The following DCC variants were observed in gnomAD, a reference collection of about 807,000 sequenced individuals.
DCC encodes the protein DCC netrin 1 receptor.
A neutral mutation model predicts 172.5 loss-of-function variants in DCC; 58 were observed. That is an observed-to-expected ratio of 0.34 (90% CI 0.27 to 0.42). The LOEUF is 0.42. Ranked by LOEUF, DCC falls within the 10% of genes least tolerant of loss-of-function variation. The pLI is 1.00. For missense variants in DCC, 1,740 were observed against 1,791.0 expected, an observed-to-expected ratio of 0.97 and a Z score of 0.51; for synonymous variants, 709 against 644.5, an observed-to-expected ratio of 1.10 and a Z score of -1.52.
intron 5 of DCC, among the ~76,000 whole-genome samples, chr18:52,946,060 C>T (rs1182688272): frequency 6.6e-6 from 1 of 152,128 alleles, no homozygotes. Context: ...CCTCTGTGAA[C>T]ATCTAGGTTT....
chr18:53,252,082 A>G (rs2056442730), intron 12 of DCC, among the ~76,000 whole-genome samples: 1 of 151,964 alleles, frequency 6.6e-6, no homozygotes, highest in Non-Finnish European at 1.5e-5. Flanking sequence ...ATCAATCAAG[A>G]TAGGATCTAA....
At chr18:52,372,370 A>C (rs1345860790) in intron 1 of DCC, among the ~76,000 whole-genome samples, 1 of 152,194 alleles carries the variant, frequency 6.6e-6, no homozygotes, top group African/African-American at 2.4e-5. Flanking sequence ...TTGAGAGTCC[A>C]TGCATTGGCT....
intron 5 of DCC, among the ~76,000 whole-genome samples, chr18:53,001,373 G>A (rs114525941): frequency 0.014 from 2,183 of 152,074 alleles, 41 homozygotes; most frequent in African/African-American, 0.05. Flanking sequence ...CAGGGAATAA[G>A]GTGCCATCAC....
intron 15 of DCC, among the ~76,000 whole-genome samples, chr18:53,357,917 T>C (rs2057895570): frequency 6.6e-6 from 1 of 152,186 alleles, no homozygotes; most frequent in Non-Finnish European, 1.5e-5. Flanking sequence ...TATTTTATAA[T>C]TTCACGATTC....
chr18:52,723,857 G>A (rs552033970), intron 1 of DCC, among the ~76,000 whole-genome samples: 2 of 152,262 alleles, frequency 1.3e-5, no homozygotes, highest in East Asian at 3.9e-4. Flanking sequence ...AGCCTAAGCT[G>A]ACCCTCAGGC....
chr18:53,431,447 A>G (rs1911604817), intron 21 of DCC, among the ~76,000 whole-genome samples: 1 of 150,280 alleles, frequency 6.7e-6, no homozygotes, highest in African/African-American at 2.4e-5. Flanking sequence ...CTGTAGAATT[A>G]TATTCATATA....
chr18:53,064,509 G>C (rs1031617266), intron 6 of DCC, among the ~76,000 whole-genome samples: 2 of 152,088 alleles, frequency 1.3e-5, no homozygotes, highest in African/African-American at 2.4e-5. Flanking sequence ...CCAGACACAA[G>C]CTCTCTCCAT....
chr18:53,295,656 G>T (rs2057057684), intron 12 of DCC, among the ~76,000 whole-genome samples: 1 of 152,158 alleles, frequency 6.6e-6, no homozygotes, highest in Non-Finnish European at 1.5e-5. Context: ...ACATTAAACA[G>T]AATGAATCCA....
chr18:52,402,720 G>A (rs1986487794), intron 1 of DCC, among the ~76,000 whole-genome samples: 1 of 151,872 alleles, frequency 6.6e-6, no homozygotes, highest in African/African-American at 2.4e-5. Context: ...TGTCCTTATG[G>A]GCTAGTGTCA....
chr18:52,625,950 G>C (rs952871328), intron 1 of DCC, among the ~76,000 whole-genome samples: 1 of 152,044 alleles, frequency 6.6e-6, no homozygotes, highest in African/African-American at 2.4e-5. Flanking sequence ...TTTCTTTGCT[G>C]GTTCTTTTCC....
Position 53,249,851 on chromosome 18 carries a change from A to T in DCC, c.1911+34254A>T, listed in dbSNP as rs147198107. 1.3e-3 allele frequency among the ~76,000 whole-genome samples: 199 copies of T among 152,066 alleles called. 1 individual carries two copies. The highest frequency in any genetic ancestry group is 8.9e-3 in the South Asian group (43 of 4,816). ...CATCATGATTAATTGTAAATCTCTGAAGACATTTATAAGGAAGCTAATGTA... is the reference window on the plus strand; with the variant it reads ...CATCATGATTAATTGTAAATCTCTGTAGACATTTATAAGGAAGCTAATGTA... On this transcript the variant is annotated intron_variant, in intron 12 of 28. Coordinates refer to ENST00000442544, the MANE Select transcript of DCC (RefSeq NM_005215.4).
chr18:52,678,651 C>A (rs1276063221), intron 1 of DCC, among the ~76,000 whole-genome samples: 1 of 152,144 alleles, frequency 6.6e-6, no homozygotes, highest in African/African-American at 2.4e-5. Context: ...GAATCATTAT[C>A]ATCTCTGTGT....
Position 53,351,337 on chromosome 18 carries a change from G to GTATATACATATACACAGTA in DCC, c.2359+11436_2359+11437insCATATACACAGTATATATA, listed in dbSNP as rs2057797231. The stretch of plus-strand genomic sequence containing the variant: ...TATACACTGTATATATATATACAGT[G>GTATATACATATACACAGTA]TATATATATATACACAGTATATATA... On this transcript the variant is annotated intron_variant, in intron 15 of 28. Transcript: ENST00000442544. 2.6e-4 allele frequency among the ~76,000 whole-genome samples: 3 copies of GTATATACATATACACAGTA among 11,648 alleles called. 1 individual carries two copies. Among genetic ancestry groups the GTATATACATATACACAGTA allele is most frequent in the African/African-American group, 6.9e-4 (3 of 4,326 alleles). 7.6% of individuals were successfully genotyped at this position (11,648 alleles called of 152,430 possible).
At chr18:53,436,464 C>G (rs984626937) in intron 22 of DCC, among the ~76,000 whole-genome samples, 11 of 152,030 alleles carry the variant, frequency 7.2e-5, no homozygotes, top group African/African-American at 2.7e-4. Context: ...AAATAGTTTG[C>G]TGCATGTGAA....
intron 15 of DCC, among the ~76,000 whole-genome samples, chr18:53,356,289 G>A (rs2057877112): frequency 6.6e-6 from 1 of 151,986 alleles, no homozygotes; most frequent in African/African-American, 2.4e-5. Context: ...CATTGTTCAT[G>A]TCTACAAATT....
chr18:52,600,157 C>A (rs2033988444), intron 1 of DCC, among the ~76,000 whole-genome samples: 1 of 152,206 alleles, frequency 6.6e-6, no homozygotes, highest in African/African-American at 2.4e-5. Flanking sequence ...TTGAGGCTCT[C>A]AGTCGACCTG....
chr18:52,591,741 C>T (rs1359810536), intron 1 of DCC, among the ~76,000 whole-genome samples: 1 of 149,080 alleles, frequency 6.7e-6, no homozygotes, highest in East Asian at 1.9e-4. Context: ...CATCACCATG[C>T]CTGGCTACTT....
intron 1 of DCC, among the ~76,000 whole-genome samples, chr18:52,523,772 G>A (rs1459271850): frequency 6.6e-6 from 1 of 152,048 alleles, no homozygotes. Flanking sequence ...TTTTGGCATG[G>A]GATCAATAAC....
chr18:53,061,957 T>C (rs1266256111), intron 5 of DCC, among the ~76,000 whole-genome samples: 1 of 152,086 alleles, frequency 6.6e-6, no homozygotes, highest in Non-Finnish European at 1.5e-5. Context: ...ATGGAACTGT[T>C]TCCATATATT....
Sources: allele counts gnomAD v4.1 joint callset (sites outside exome capture counted in the v4.1 genomes callset), GRCh38; gene constraint gnomAD v4.1.1; transcripts MANE v1.5; gene names NCBI Gene and HGNC (gene_info 2026-07-23, HGNC 2026-07-21).